Variants in ELMO1 observed in about 807,000 individuals in gnomAD.
ELMO1 encodes engulfment and cell motility protein 1.
Under a neutral mutation model 98.9 loss-of-function variants are expected in ELMO1, and 26 were observed. That is an observed-to-expected ratio of 0.26 (90% CI 0.19 to 0.36). The LOEUF is 0.36. Among genes scored for constraint, ELMO1 ranks in the 10% least tolerant of loss-of-function variants. The pLI, the probability that ELMO1 is intolerant of heterozygous loss-of-function variation, is 1.00. For synonymous variants in ELMO1, 346 were observed against 346.0 expected, an observed-to-expected ratio of 1.00 and a Z score of 0.00; for missense variants, 627 against 935.2, an observed-to-expected ratio of 0.67 and a Z score of 4.30.
intron 4 of ELMO1, among the ~76,000 whole-genome samples, chr7:37,299,240 C>T (rs1448795767): frequency 3.8e-5 from 1 of 26,358 alleles, no homozygotes; most frequent in Non-Finnish European, 1.4e-4. Context: ...AAAATTTTCT[C>T]CCATTTTTGT....
intron 21 of ELMO1, among the ~76,000 whole-genome samples, chr7:36,859,988 A>G (rs1351967173): frequency 2.6e-5 from 4 of 152,162 alleles, no homozygotes; most frequent in Non-Finnish European, 5.9e-5. Flanking sequence ...TGTGAAGACA[A>G]TGAGGATGAA....
intron 16 of ELMO1, among the ~76,000 whole-genome samples, chr7:36,956,449 T>C (rs1466244900): frequency 6.6e-6 from 1 of 152,218 alleles, no homozygotes; most frequent in Admixed American, 6.5e-5. Context: ...TGTTCTCTTC[T>C]ACATCCAAGA....
At chr7:37,282,116 T>C (rs2130908153) in intron 4 of ELMO1, among the ~76,000 whole-genome samples, 1 of 152,112 alleles carries the variant, frequency 6.6e-6, no homozygotes, top group African/African-American at 2.4e-5. Context: ...CCAACTTTTC[T>C]ACTTAGTCAG....
At chr7:36,919,855 A>G (rs1249704818) in intron 16 of ELMO1, among the ~76,000 whole-genome samples, 1 of 152,048 alleles carries the variant, frequency 6.6e-6, no homozygotes, top group Admixed American at 6.5e-5. Context: ...AATCATTTCC[A>G]TCTCCCTTCC....
rs188465251 is a variant in ELMO1 at position 37,025,302 on chromosome 7, T to C, written c.1301-11867A>G. On this transcript the variant is annotated intron_variant, in intron 15 of 21. Transcript: ENST00000310758. ...TGAATTAGCAATGCAAAACTGAGTA[T>C]GAAACACTTATCTTGCTAAATAGAT... Among the ~76,000 whole-genome samples, 7 of 152,354 alleles carry C rather than the reference T, an allele frequency of 4.6e-5. No individual in the cohort carries two copies. In the East Asian group the frequency reaches 1.4e-3, roughly 29 times the overall value.
intron 16 of ELMO1, among the ~76,000 whole-genome samples, chr7:36,923,107 G>A (rs1158498440): frequency 6.6e-6 from 1 of 152,192 alleles, no homozygotes; most frequent in Non-Finnish European, 1.5e-5. Flanking sequence ...CCTTCTGTGG[G>A]CAGTGGAACT....
chr7:36,956,068 G>A (rs910729605), intron 16 of ELMO1, among the ~76,000 whole-genome samples: 1 of 152,198 alleles, frequency 6.6e-6, no homozygotes, highest in African/African-American at 2.4e-5. Context: ...CAAAGTAGGT[G>A]TCCACCTCAA....
rs1229361646 is a variant in ELMO1 at position 37,342,583 on chromosome 7, A to G, written c.78+30T>C. 19 of 1,608,812 alleles carry G rather than the reference A, an allele frequency of 1.2e-5. No homozygotes were observed. Among genetic ancestry groups the G allele is most frequent in the Non-Finnish European group, 1.6e-5 (19 of 1,175,138 alleles). ...TTCCAGTATAGAAAGGAAACTGAAA[A>G]TAGACACCCAATGCTGTCACGTTAC... On this transcript the variant is annotated intron_variant, in intron 2 of 21. Coordinates refer to ENST00000310758, the MANE Select transcript of ELMO1 (RefSeq NM_014800.11). The surrounding 1 kb of genome is among the most constrained non-coding windows in gnomAD (Gnocchi z 4.3).
At chr7:37,405,592 T>C (rs533727097) in intron 1 of ELMO1, among the ~76,000 whole-genome samples, 5 of 152,342 alleles carry the variant, frequency 3.3e-5, no homozygotes, top group South Asian at 4.1e-4. Flanking sequence ...GCAATTAAAC[T>C]TCTGTGTGCA....
In ELMO1 at chr7:36,870,546, C is replaced by A; in HGVS notation, c.1823-71G>T. 6.9e-7 allele frequency: 1 copy of A among 1,451,324 alleles called. No homozygotes were observed. The highest frequency in any genetic ancestry group is 9.5e-7 in the Non-Finnish European group (1 of 1,048,154). The allele number at this position is 1,451,324 out of a possible 1,614,324, so 89.9% of individuals were successfully genotyped here. A position where few individuals can be genotyped will look rare whatever the true frequency, so the allele number is the denominator to read the frequency against. On this transcript the variant is annotated intron_variant, in intron 19 of 21. Transcript: ENST00000310758. The surrounding 1 kb of genome is among the most constrained non-coding windows in gnomAD (Gnocchi z 4.4). ...CTTTGATGTCAATAAAGAAACAGGACTAAGCACTGGGTCCGCTACTGTGGT... is the reference window on the plus strand; with the variant it reads ...CTTTGATGTCAATAAAGAAACAGGAATAAGCACTGGGTCCGCTACTGTGGT...
chr7:36,903,241 T>G (rs1783711227), intron 16 of ELMO1, among the ~76,000 whole-genome samples: 1 of 152,176 alleles, frequency 6.6e-6, no homozygotes, highest in South Asian at 2.1e-4. Context: ...TTCTAGCCCC[T>G]GCTCATTTGT....
At chr7:37,131,233 C>T (rs1184670049) in intron 14 of ELMO1, among the ~76,000 whole-genome samples, 1 of 152,044 alleles carries the variant, frequency 6.6e-6, no homozygotes, top group African/African-American at 2.4e-5. Context: ...GGAAAGGACA[C>T]TTCTGAGAAA....
intron 15 of ELMO1, among the ~76,000 whole-genome samples, chr7:37,083,171 A>C (rs1783569280): frequency 6.6e-6 from 1 of 152,144 alleles, no homozygotes; most frequent in South Asian, 2.1e-4. Flanking sequence ...AATCTCTCTT[A>C]GGCACTGTGA....
At chr7:37,110,755 C>T (rs913220531) in intron 14 of ELMO1, among the ~76,000 whole-genome samples, 1 of 152,124 alleles carries the variant, frequency 6.6e-6, no homozygotes, top group Admixed American at 6.5e-5. Flanking sequence ...CTATGGGGCC[C>T]CCCAGACTTT....
chr7:37,167,220 GCCTA>G, intron 13 of ELMO1, among the ~76,000 whole-genome samples: 4 of 150,516 alleles, frequency 2.7e-5, no homozygotes, highest in African/African-American at 2.4e-5. Flanking sequence ...TTTATTTTGA[GCCTA>G]TGTGTGTCTC....
chr7:37,295,329 T>G (rs1194697187), intron 4 of ELMO1, among the ~76,000 whole-genome samples: 1 of 152,188 alleles, frequency 6.6e-6, no homozygotes. Context: ...ATCCAGACAG[T>G]GGGCTGTACA....
chr7:37,019,822 G>A (rs905526644), intron 15 of ELMO1, among the ~76,000 whole-genome samples: 3 of 152,132 alleles, frequency 2.0e-5, no homozygotes, highest in Non-Finnish European at 4.4e-5. Context: ...GGTTTTTTAA[G>A]TCTGGAATAT....
intron 16 of ELMO1, among the ~76,000 whole-genome samples, chr7:37,009,627 CCTT>C (rs146622895): frequency 0.017 from 2,599 of 152,290 alleles, 77 homozygotes; most frequent in African/African-American, 0.06. Context: ...GAGGGGCACT[CCTT>C]CTCCAGTGAG....
chr7:36,869,157 A>G (rs3807164), intron 20 of ELMO1, among the ~76,000 whole-genome samples: 31,281 of 152,208 alleles, frequency 0.21, 3,487 homozygotes, highest in East Asian at 0.34. Context: ...TAACAGATAG[A>G]CCACAGATCC....
Sources: gnomAD v4.1 joint callset for allele counts (sites outside exome capture counted in the v4.1 genomes callset) on GRCh38, gnomAD v4.1.1 for gene constraint, Gnocchi (gnomAD v3.1) non-coding constraint, MANE v1.5 for transcripts, NCBI Gene and HGNC (gene_info 2026-07-23, HGNC 2026-07-21) for gene names.